SMIM19: variants seen among roughly 807,000 people sequenced by gnomAD.
SMIM19 encodes UPF0697 protein C8orf40.
A neutral mutation model predicts 13.2 loss-of-function variants in SMIM19; 6 were observed. The ratio of observed to expected loss-of-function variants is 0.45; its 90% confidence interval spans 0.25 to 0.90. The LOEUF is 0.90. Ranked by LOEUF, SMIM19 falls within the 40% of genes least tolerant of loss-of-function variation. SMIM19 has a pLI of 0.19. For synonymous variants in SMIM19, 46 were observed against 43.1 expected (o/e 1.07, Z -0.27); for missense variants, 138 against 131.0 (o/e 1.05, Z -0.26).
Position 42,552,644 on chromosome 8 carries a change from A to T in SMIM19, c.*36A>T. 6.2e-7 allele frequency: 1 copy of T among 1,601,018 alleles called. No homozygotes were observed. The highest frequency in any genetic ancestry group is 8.6e-7 in the Non-Finnish European group (1 of 1,169,196). On this transcript the variant is annotated 3_prime_UTR_variant, in exon 4 of 4. Coordinates refer to ENST00000417410, the MANE Select transcript of SMIM19 (RefSeq NM_001135674.2). The stretch of plus-strand genomic sequence containing the variant: ...AAAGAGCAACAGAAGTAATTGTTTC[A>T]AGCTCCTGATTCTTTCTACTAAATC...
chr8:42,548,767 A>T lies in SMIM19; in HGVS notation c.246A>T (p.Glu82Asp). The T allele has an allele frequency of 6.2e-7, 1 of 1,613,610 alleles. No homozygotes were observed. The highest frequency in any genetic ancestry group is 1.1e-5 in the South Asian group (1 of 90,968). ...AGATTCGTTTAAGACAACAACTGGA[A>T]ATGTATTCCATTTGTAAGTATATTC... Reference protein sequence around the residue: ...ISKIRLRQQLEMYSISRKYDY... With the variant: ...ISKIRLRQQLDMYSISRKYDY... Residue 82 changes from glutamate to aspartate, a missense_variant, in exon 3 of 4, where the codon GAA (glutamate) becomes GAT (aspartate). Coordinates refer to ENST00000417410, the MANE Select transcript of SMIM19 (RefSeq NM_001135674.2).
chr8:42,548,181 G>C (rs1813550644), intron 2 of SMIM19, among the ~76,000 whole-genome samples: 1 of 152,286 alleles, frequency 6.6e-6, no homozygotes, highest in African/African-American at 2.4e-5. Context: ...GCAGAGGCAC[G>C]CTGTTCTTAA....
At chr8:42,543,412 T>C (rs1263573407) in intron 1 of SMIM19, among the ~76,000 whole-genome samples, 2 of 152,134 alleles carry the variant, frequency 1.3e-5, no homozygotes, top group African/African-American at 4.8e-5. Context: ...CCTCTGCAAA[T>C]CTTTCACAAC....
At chr8:42,545,443 C>T (rs780019039) in intron 1 of SMIM19, among the ~76,000 whole-genome samples, 4 of 152,104 alleles carry the variant, frequency 2.6e-5, no homozygotes, top group African/African-American at 7.2e-5. Context: ...GGGAGGCATG[C>T]GGGGTGAGAG....
chr8:42,544,916 A>C (rs928644135), intron 1 of SMIM19, among the ~76,000 whole-genome samples: 7 of 152,262 alleles, frequency 4.6e-5, no homozygotes, highest in Non-Finnish European at 1.0e-4. Flanking sequence ...GGTTTACAGC[A>C]TGGACTCCTG....
chr8:42,546,159 T>G (rs1813474878), intron 1 of SMIM19, among the ~76,000 whole-genome samples: 1 of 152,246 alleles, frequency 6.6e-6, no homozygotes, highest in Non-Finnish European at 1.5e-5. Context: ...GCACTTACAA[T>G]ACCTAATACA....
At chr8:42,548,530 TAGAA>T (rs1563568858) in intron 2 of SMIM19, 122 bp from the exon 3 acceptor site, 10 of 1,265,664 alleles carry the variant, frequency 7.9e-6, no homozygotes, top group Admixed American at 1.8e-5. Flanking sequence ...AAAGACAAAA[TAGAA>T]AGTAAAATGG....
chr8:42,544,521 A>AT (rs1563566941), intron 1 of SMIM19, among the ~76,000 whole-genome samples: 1 of 36,346 alleles, frequency 2.8e-5, no homozygotes, highest in Non-Finnish European at 7.7e-5. Flanking sequence ...TCTAGTGTTT[A>AT]AACAATATTT....
At chr8:42,546,705 C>A in intron 2 of SMIM19, 99 bp downstream of exon 2, 2 of 1,438,896 alleles carry the variant, frequency 1.4e-6, no homozygotes, top group Non-Finnish European at 1.9e-6. Context: ...TTTCATCAGG[C>A]TGGACGCAGT....
intron 1 of SMIM19, among the ~76,000 whole-genome samples, chr8:42,542,819 A>T (rs955413925): frequency 6.6e-6 from 1 of 151,534 alleles, no homozygotes; most frequent in Non-Finnish European, 1.5e-5. Flanking sequence ...TTTAAAAAAA[A>T]AAAAATAAGA....
At chr8:42,548,335 G>A (rs1401504464) in intron 2 of SMIM19, 2 of 459,712 alleles carry the variant, frequency 4.4e-6, no homozygotes, top group Admixed American at 4.7e-5. Context: ...ATGAAAGGGA[G>A]GAAAAATCAG....
intron 3 of SMIM19, among the ~76,000 whole-genome samples, chr8:42,550,179 A>G (rs1813624383): frequency 6.6e-6 from 1 of 152,192 alleles, no homozygotes; most frequent in Non-Finnish European, 1.5e-5. Context: ...TGACACGTAC[A>G]CAAAAGTTAT....
intron 1 of SMIM19, among the ~76,000 whole-genome samples, chr8:42,543,629 A>C (rs1813366327): frequency 1.3e-5 from 2 of 152,224 alleles, no homozygotes; most frequent in African/African-American, 4.8e-5. Flanking sequence ...TTGAGTAGGA[A>C]TATACCATTT....
Position 42,543,083 on chromosome 8 carries a change from G to C in SMIM19, c.-5+710G>C, listed in dbSNP as rs549858037. On this transcript the variant is annotated intron_variant, in intron 1 of 3. Transcript: ENST00000417410. Reference sequence around the variant, plus strand: ...CAAGTTTATATACTCTTGTTTACTTGAGACTTAATTCAGCCCATCCTAGCC... The same window carrying C: ...CAAGTTTATATACTCTTGTTTACTTCAGACTTAATTCAGCCCATCCTAGCC... Among the ~76,000 whole-genome samples, 254 of 151,958 alleles carry C rather than the reference G, an allele frequency of 1.7e-3. 1 individual carries two copies. The highest frequency in any genetic ancestry group is 6.8e-3 in the Middle Eastern group (2 of 294).
rs1424464787 is a variant in SMIM19 at position 42,548,733 on chromosome 8, C to T, written c.212C>T (p.Thr71Met). Residue 71 changes from threonine (T) to methionine (M), a missense_variant, in exon 3 of 4, where the codon ACG becomes ATG. By Grantham distance (81) the Thr-to-Met change is moderately conservative (BLOSUM62 -1). Transcript: ENST00000417410. The part of the protein sequence containing the change: ...ETLSEPNFYD[T>M]ISKIRLRQQL... ...TTGTCAGAGCCCAACTTTTATGACA[C>T]GATAAGCAAGATTCGTTTAAGACAA... The T allele has an allele frequency of 3.1e-6, 5 of 1,613,728 alleles. No homozygotes were observed. The highest frequency in any genetic ancestry group is 4.2e-6 in the Non-Finnish European group (5 of 1,179,914).
At chr8:42,541,171 G>A (rs1038488961), upstream of SMIM19, 3 of 152,188 alleles carry the variant, frequency 2.0e-5, no homozygotes, top group African/African-American at 7.2e-5. Flanking sequence ...AGCGCGCACA[G>A]CGGAGCAGGA....
In SMIM19 at chr8:42,552,401, G is replaced by A. The variant is rs1586332662; in HGVS notation, c.260-143G>A. 19 of 850,054 alleles carry A rather than the reference G, an allele frequency of 2.2e-5. No individual in the cohort carries two copies. In the East Asian group the frequency reaches 4.8e-4, roughly 22 times the overall value. The allele number at this position is 850,054 out of a possible 1,614,324, so 52.7% of individuals were successfully genotyped here. On this transcript the variant is annotated intron_variant, in intron 3 of 3. Transcript: ENST00000417410. ...CCACTGCACTGCAGCCTGGGTATCA[G>A]AGGGAGACTCTATCTCTGAAACAAA...
chr8:42,548,492 A>G, intron 2 of SMIM19, 164 bp from the exon 3 acceptor site: 1 of 817,682 alleles, frequency 1.2e-6, no homozygotes, highest in South Asian at 1.4e-5. Flanking sequence ...TGAAAGAAAG[A>G]ATACTTTGAG....
intron 2 of SMIM19, 31 bp from the exon 3 acceptor site, chr8:42,548,625 A>G (rs761330903): frequency 2.5e-5 from 41 of 1,611,940 alleles, no homozygotes; most frequent in Middle Eastern, 3.3e-4. Flanking sequence ...CATTAATACA[A>G]ACATCTCTTC....
Sources: gnomAD v4.1 joint callset for allele counts (sites outside exome capture counted in the v4.1 genomes callset) on GRCh38, gnomAD v4.1.1 for gene constraint, MANE v1.5 for transcripts, NCBI Gene and HGNC (gene_info 2026-07-23, HGNC 2026-07-21) for gene names.